Variants in TYW1 observed in about 807,000 individuals in gnomAD.
TYW1 encodes S-adenosyl-L-methionine-dependent tRNA 4-demethylwyosine synthase TYW1.
TYW1 carries 46 observed loss-of-function variants against 96.2 expected under a neutral mutation model. The observed-to-expected ratio is 0.48, with a 90% CI of 0.38 to 0.61. TYW1 has a LOEUF of 0.61. Ranked by LOEUF, TYW1 falls within the 20% of genes least tolerant of loss-of-function variation. TYW1 has a pLI of 0.00. For missense variants in TYW1, 684 were observed against 909.6 expected, an observed-to-expected ratio of 0.75 and a Z score of 3.19; for synonymous variants, 274 against 323.0, an observed-to-expected ratio of 0.85 and a Z score of 1.63.
At position 67,092,819 on chromosome 7, in the gene TYW1, A is replaced by G. The variant is rs574339545; in HGVS notation, c.1385-5722A>G. ...TGGCTCAGCCTCCCGAATAGCTGGG[A>G]TTACAGGCACCTGCCACCATGCCCG... On this transcript the variant is annotated intron_variant, in intron 11 of 15. Coordinates refer to ENST00000359626, the MANE Select transcript of TYW1 (RefSeq NM_018264.4). Among the ~76,000 whole-genome samples, 15 of 150,792 alleles carry G rather than the reference A, an allele frequency of 9.9e-5. No homozygotes were observed. The East Asian group carries it at 2.2e-3, about 22-fold the overall frequency.
At chr7:67,194,967 G>A (rs983710435) in intron 14 of TYW1, among the ~76,000 whole-genome samples, 1 of 145,934 alleles carries the variant, frequency 6.9e-6, no homozygotes, top group African/African-American at 2.6e-5. Context: ...AGTAGCAAGA[G>A]CATCAGCCTG....
At chr7:67,018,677 G>A (rs1377215778) in intron 6 of TYW1, among the ~76,000 whole-genome samples, 5 of 151,802 alleles carry the variant, frequency 3.3e-5, no homozygotes, top group African/African-American at 9.7e-5. Context: ...TCTTTAGGCC[G>A]GGCACGGTGG....
chr7:67,202,395 A>ATT (rs148962083), intron 15 of TYW1, among the ~76,000 whole-genome samples: 15 of 151,456 alleles, frequency 9.9e-5, no homozygotes, highest in Non-Finnish European at 1.9e-4. Flanking sequence ...TGCTCAATTT[A>ATT]TTTTTTTTAT....
At chr7:67,175,213 C>A (rs1197380160) in intron 13 of TYW1, among the ~76,000 whole-genome samples, 1 of 149,770 alleles carries the variant, frequency 6.7e-6, no homozygotes, top group Admixed American at 6.7e-5. Context: ...CTCTTATTGC[C>A]CAGGCTGGAG....
At chr7:67,104,510 C>T (rs1052685200) in intron 12 of TYW1, among the ~76,000 whole-genome samples, 3 of 152,138 alleles carry the variant, frequency 2.0e-5, no homozygotes, top group Non-Finnish European at 2.9e-5. Flanking sequence ...CCCACCAGGC[C>T]CCTCCTCCAA....
rs1164410756 is a variant in TYW1 at position 67,024,990 on chromosome 7, G to A, written c.952G>A (p.Gly318Ser). Residue 318 changes from glycine (G) to serine (S), a missense_variant, in exon 7 of 16, where the codon GGC (glycine) becomes AGC (serine). Physicochemically the swap from Gly to Ser is moderately conservative, Grantham distance 56. Coordinates refer to ENST00000359626, the MANE Select transcript of TYW1 (RefSeq NM_018264.4). ...LNSIVDVEDL[G>S]KIMDHVKKEK... ...TTCCATTGTTGATGTTGAAGATTTGGGCAAAATTATGGATCATGTGAAGAA... is the reference window on the plus strand; with the variant it reads ...TTCCATTGTTGATGTTGAAGATTTGAGCAAAATTATGGATCATGTGAAGAA... 1.2e-6 allele frequency: 2 copies of A among 1,613,682 alleles called. No homozygotes were observed. Among genetic ancestry groups the A allele is most frequent in the Non-Finnish European group, 8.5e-7 (1 of 1,179,802 alleles).
At chr7:67,165,845 A>T (rs549134439) in intron 13 of TYW1, among the ~76,000 whole-genome samples, 1 of 152,252 alleles carries the variant, frequency 6.6e-6, no homozygotes, top group Admixed American at 6.5e-5. Context: ...CAGGAGGATC[A>T]CTTGAGCCAG....
rs1441469328 is a variant in TYW1 at position 67,119,351 on chromosome 7, G to A, written c.1698+1733G>A. 2.0e-5 allele frequency among the ~76,000 whole-genome samples: 3 copies of A among 152,064 alleles called. No individual in the cohort carries two copies. The East Asian group carries it at 5.8e-4, about 29-fold the overall frequency. ...AACTTGCCTTTCTCTCCTGTGCCCA[G>A]CGCTTACTTTGACATTCCTAACCCA... is the stretch of plus-strand genomic sequence containing the variant. On this transcript the variant is annotated intron_variant, in intron 13 of 15. Transcript: ENST00000359626.
intron 7 of TYW1, among the ~76,000 whole-genome samples, chr7:67,025,698 A>G (rs552519850): frequency 6.6e-6 from 1 of 152,284 alleles, no homozygotes; most frequent in East Asian, 1.9e-4. Context: ...CAGTGACTAG[A>G]TGAATGTGAG....
chr7:67,071,181 G>GA (rs779091138), intron 10 of TYW1, among the ~76,000 whole-genome samples: 1 of 151,894 alleles, frequency 6.6e-6, no homozygotes, highest in South Asian at 2.1e-4. Flanking sequence ...TGTTAACTCT[G>GA]GAAGTCAGAT....
intron 9 of TYW1, among the ~76,000 whole-genome samples, chr7:67,066,944 T>G (rs1795885681): frequency 6.6e-6 from 1 of 152,248 alleles, no homozygotes; most frequent in Non-Finnish European, 1.5e-5. Context: ...ACAGCCCCCA[T>G]TTTTTAGGAG....
At position 67,183,151 on chromosome 7, in the gene TYW1, C is replaced by T. The variant is rs2298398; in HGVS notation, c.1724C>T (p.Thr575Met). The T allele has an allele frequency of 3.1e-6, 5 of 1,612,424 alleles. No individual in the cohort carries two copies. The highest frequency in any genetic ancestry group is 2.7e-5 in the African/African-American group (2 of 74,884). ...CAACAACGAACTGTCTACAGACTGACGCTCGTGAAAGCATGGAACGTGGAC... is the reference window on the plus strand; with the variant it reads ...CAACAACGAACTGTCTACAGACTGATGCTCGTGAAAGCATGGAACGTGGAC... The part of the protein sequence containing the change: ...VKQQRTVYRL[T>M]LVKAWNVDEL... Residue 575 changes from threonine (T) to methionine (M), a missense_variant, in exon 14 of 16, where the codon ACG becomes ATG. Coordinates refer to ENST00000359626, the MANE Select transcript of TYW1 (RefSeq NM_018264.4).
intron 7 of TYW1, among the ~76,000 whole-genome samples, chr7:67,043,325 A>C (rs1283822540): frequency 6.8e-6 from 1 of 146,006 alleles, no homozygotes; most frequent in Non-Finnish European, 1.5e-5. Flanking sequence ...TCTTTCTCTT[A>C]TGTTGTGGTT....
chr7:67,043,175 G>T (rs1446735942), intron 7 of TYW1, among the ~76,000 whole-genome samples: 2 of 152,132 alleles, frequency 1.3e-5, no homozygotes, highest in Non-Finnish European at 2.9e-5. Context: ...AAGTTGACAG[G>T]CTCAAGCCTG....
intron 12 of TYW1, among the ~76,000 whole-genome samples, chr7:67,108,837 G>C (rs572394659): frequency 6.6e-6 from 1 of 152,068 alleles, no homozygotes; most frequent in African/African-American, 2.4e-5. Flanking sequence ...AAACAGGGTC[G>C]AAATTGTATA....
At chr7:67,212,130 C>A (rs967059232) in intron 15 of TYW1, among the ~76,000 whole-genome samples, 1 of 152,174 alleles carries the variant, frequency 6.6e-6, no homozygotes, top group African/African-American at 2.4e-5. Context: ...TCCCTCCCGC[C>A]AAACTTGGAA....
intron 15 of TYW1, among the ~76,000 whole-genome samples, chr7:67,208,615 G>A (rs554071789): frequency 9.3e-5 from 14 of 151,050 alleles, no homozygotes; most frequent in African/African-American, 2.4e-4. Context: ...GCTTGAACCC[G>A]TGAGGCGGAG....
intron 15 of TYW1, among the ~76,000 whole-genome samples, chr7:67,219,845 G>GT (rs57991071): frequency 0.035 from 4,663 of 131,876 alleles, 250 homozygotes; most frequent in African/African-American, 0.12. Flanking sequence ...GGTTTTGTGG[G>GT]TTTTTTTTTT....
intron 12 of TYW1, among the ~76,000 whole-genome samples, chr7:67,105,850 G>C (rs1213620135): frequency 6.7e-6 from 1 of 149,038 alleles, no homozygotes; most frequent in Non-Finnish European, 1.5e-5. Context: ...TCTGCATTTT[G>C]GTACACAAAG....
Sources: allele counts gnomAD v4.1 joint callset (sites outside exome capture counted in the v4.1 genomes callset), GRCh38; gene constraint gnomAD v4.1.1; transcripts MANE v1.5; gene names NCBI Gene and HGNC (gene_info 2026-07-23, HGNC 2026-07-21).